The following RYR3 variants were observed in gnomAD, a reference collection of about 807,000 sequenced individuals.
RYR3 encodes the protein ryanodine receptor 3, also known as brain ryanodine receptor-calcium release channel.
Under a neutral mutation model 584.3 loss-of-function variants are expected in RYR3, and 207 were observed. The ratio of observed to expected loss-of-function variants is 0.35; its 90% CI spans 0.32 to 0.40. RYR3 has a LOEUF of 0.40. Among genes scored for constraint, RYR3 ranks in the 10% least tolerant of loss-of-function variants. The pLI is 1.00. For synonymous variants in RYR3, 2,416 were observed against 2,248.5 expected (o/e 1.07, Z -2.11); for missense variants, 5,616 against 6,089.2 (o/e 0.92, Z 2.59).
intron 2 of RYR3, among the ~76,000 whole-genome samples, chr15:33,497,686 TC>T (rs1471545467): frequency 1.3e-5 from 2 of 152,222 alleles, no homozygotes; most frequent in Non-Finnish European, 2.9e-5. Context: ...AATTAGCACA[TC>T]TATAGCCTCA....
At chr15:33,576,125 A>G (rs1354190326) in intron 12 of RYR3, among the ~76,000 whole-genome samples, 2 of 152,194 alleles carry the variant, frequency 1.3e-5, no homozygotes, top group Admixed American at 1.3e-4. Flanking sequence ...TAAATAGCCT[A>G]CCAACCAGAA....
chr15:33,533,963 C>T (rs1194984511), intron 5 of RYR3, among the ~76,000 whole-genome samples: 1 of 152,126 alleles, frequency 6.6e-6, no homozygotes, highest in Admixed American at 6.6e-5. Context: ...TAAGTATAAA[C>T]TGTTTTTGCT....
Position 33,550,267 on chromosome 15 carries a change from G to A in RYR3, c.923G>A (p.Arg308Gln), listed in dbSNP as rs201830013. Residue 308 changes from arginine to glutamine, a missense_variant, in exon 10 of 104, where the codon CGG becomes CAG. Transcript: ENST00000634891. ...TEDQGLILQD[R>Q]AKSDTKSTAF... The stretch of plus-strand genomic sequence containing the variant: ...GACCAAGGCCTTATACTGCAAGACC[G>A]GGCAAAGTCAGACACCAAGTCCACA... 133 of 1,613,494 alleles carry A rather than the reference G, an allele frequency of 8.2e-5. No individual in the cohort carries two copies. Among genetic ancestry groups the A allele is most frequent in the Admixed American group, 5.2e-4 (31 of 59,970 alleles).
chr15:33,861,339 T>C (rs1305761339), intron 102 of RYR3, among the ~76,000 whole-genome samples, 161 bp downstream of exon 102: 1 of 152,194 alleles, frequency 6.6e-6, no homozygotes, highest in African/African-American at 2.4e-5. Context: ...CTCTCCCATG[T>C]GTGATAGACG....
chr15:33,348,350 C>G (rs1315461581), intron 1 of RYR3, among the ~76,000 whole-genome samples: 1 of 152,184 alleles, frequency 6.6e-6, no homozygotes, highest in Non-Finnish European at 1.5e-5. Context: ...TCCAGAGTTA[C>G]TTAGGTTGGC....
intron 1 of RYR3, among the ~76,000 whole-genome samples, chr15:33,410,844 A>G (rs1345346684): frequency 1.3e-5 from 2 of 152,348 alleles, no homozygotes; most frequent in South Asian, 2.1e-4. Context: ...ACAGTTCCAC[A>G]TGGCTGGGGA....
intron 2 of RYR3, among the ~76,000 whole-genome samples, chr15:33,502,281 G>A (rs910074407): frequency 2.6e-5 from 4 of 152,192 alleles, no homozygotes; most frequent in African/African-American, 4.8e-5. Context: ...GGAACTTAAA[G>A]ATGGTCAATT....
chr15:33,848,937 G>A (rs1477740094), intron 94 of RYR3: 2 of 142,598 alleles, frequency 1.4e-5, no homozygotes, highest in African/African-American at 2.6e-5. Flanking sequence ...CCGGGTTCAC[G>A]CCATTCTCCT....
intron 43 of RYR3, among the ~76,000 whole-genome samples, chr15:33,707,665 A>G (rs1459364269): frequency 6.6e-6 from 1 of 152,184 alleles, no homozygotes; most frequent in Non-Finnish European, 1.5e-5. Flanking sequence ...TTGCCTCCTA[A>G]GAATTTTTGT....
intron 38 of RYR3, among the ~76,000 whole-genome samples, chr15:33,674,871 A>C (rs1249913666): frequency 6.6e-6 from 1 of 151,522 alleles, no homozygotes; most frequent in Non-Finnish European, 1.5e-5. Context: ...CAACAAGTTG[A>C]GAATGGCTGA....
At chr15:33,842,076 T>C in intron 91 of RYR3, 41 bp downstream of exon 91, 3 of 1,568,566 alleles carry the variant, frequency 1.9e-6, no homozygotes, top group Non-Finnish European at 2.6e-6. Flanking sequence ...GTGCAGGGAT[T>C]GGCCCAGGCA....
intron 1 of RYR3, among the ~76,000 whole-genome samples, chr15:33,456,720 T>C (rs1480511200): frequency 2.6e-5 from 4 of 152,214 alleles, no homozygotes; most frequent in Non-Finnish European, 5.9e-5. Context: ...TTGCTAGAGA[T>C]GAGTGTTACT....
At chr15:33,521,797 G>A (rs2054005141) in intron 3 of RYR3, among the ~76,000 whole-genome samples, 1 of 152,132 alleles carries the variant, frequency 6.6e-6, no homozygotes, top group African/African-American at 2.4e-5. Context: ...CTTTTCTGGG[G>A]TAAGGGCTGT....
At chr15:33,787,452 A>C (rs1030553434) in intron 66 of RYR3, among the ~76,000 whole-genome samples, 2 of 152,104 alleles carry the variant, frequency 1.3e-5, no homozygotes, top group Non-Finnish European at 2.9e-5. Context: ...TGAAAAGGTG[A>C]ATGTAGATTG....
chr15:33,758,247 GT>G (rs1332144698), intron 60 of RYR3, among the ~76,000 whole-genome samples: 10 of 152,208 alleles, frequency 6.6e-5, no homozygotes, highest in Non-Finnish European at 1.5e-5. Flanking sequence ...AGCTGCAGAA[GT>G]TTTTTTTCCT....
chr15:33,854,095 C>T (rs563530614), intron 96 of RYR3, among the ~76,000 whole-genome samples: 1 of 151,606 alleles, frequency 6.6e-6, no homozygotes, highest in South Asian at 2.1e-4. Context: ...GCTTGGGAGG[C>T]TGAGGCAGGA....
chr15:33,447,460 C>T (rs1430064764), intron 1 of RYR3, among the ~76,000 whole-genome samples: 3 of 152,158 alleles, frequency 2.0e-5, no homozygotes, highest in African/African-American at 7.2e-5. Context: ...CACTTACTTT[C>T]CTCCGAGCAG....
At chr15:33,579,142 G>C (rs1274473976) in intron 12 of RYR3, among the ~76,000 whole-genome samples, 2 of 152,132 alleles carry the variant, frequency 1.3e-5, no homozygotes, top group African/African-American at 2.4e-5. Flanking sequence ...AAGAGGGACA[G>C]ACCTCAAGGC....
rs574601705 is a variant in RYR3 at position 33,860,978 on chromosome 15, G to C, written c.14365-100G>C. The C allele has an allele frequency of 6.0e-4, 585 of 976,364 alleles. 3 individuals carry two copies. The highest frequency in any genetic ancestry group is 5.0e-3 in the Middle Eastern group (24 of 4,790). 60.5% of individuals were successfully genotyped at this position (976,364 alleles called of 1,614,324 possible). A position where few individuals can be genotyped will look rare whatever the true frequency, so the allele number is the denominator to read the frequency against. On this transcript the variant is annotated intron_variant, in intron 101 of 103. Transcript: ENST00000634891. ...GACTAATAGCCAAAAGCATTAGAAAGAAAGTTTTCATTATCCTTCAATTCG... is the reference window on the plus strand; with the variant it reads ...GACTAATAGCCAAAAGCATTAGAAACAAAGTTTTCATTATCCTTCAATTCG...
Sources: allele counts gnomAD v4.1 joint callset (sites outside exome capture counted in the v4.1 genomes callset), GRCh38; gene constraint gnomAD v4.1.1; transcripts MANE v1.5; gene names NCBI Gene and HGNC (gene_info 2026-07-23, HGNC 2026-07-21).